ALK: variants seen among roughly 807,000 people sequenced by gnomAD.
ALK encodes the protein ALK tyrosine kinase receptor.
ALK carries 74 observed loss-of-function variants against 163.1 expected under a neutral mutation model. That is an observed-to-expected ratio of 0.45 (90% CI 0.38 to 0.55). ALK has a LOEUF of 0.55. ALK is among the 20% of genes least tolerant of loss of function. The pLI is 0.00. For synonymous variants in ALK, 960 were observed against 843.2 expected (o/e 1.14, Z -2.40); for missense variants, 2,063 against 2,105.3 (o/e 0.98, Z 0.39).
intron 3 of ALK, among the ~76,000 whole-genome samples, chr2:29,647,772 TTTC>T (rs1178199409): frequency 9.9e-6 from 1 of 101,348 alleles, no homozygotes; most frequent in Non-Finnish European, 1.8e-5. Context: ...TTCATGATTT[TTTC>T]TTTTTTTTTT....
chr2:29,652,839 T>C (rs911183045), intron 3 of ALK, among the ~76,000 whole-genome samples: 1 of 152,114 alleles, frequency 6.6e-6, no homozygotes, highest in Non-Finnish European at 1.5e-5. Context: ...CCCTTCCCCA[T>C]ACCTTGCCCT....
chr2:29,352,117 G>A (rs1255711022), intron 5 of ALK, among the ~76,000 whole-genome samples: 4 of 152,142 alleles, frequency 2.6e-5, no homozygotes, highest in Admixed American at 6.5e-5. Context: ...TCTGTGCTCC[G>A]CTTCAAGTTG....
chr2:29,243,025 C>T (rs1056417413), intron 12 of ALK, among the ~76,000 whole-genome samples: 2 of 152,224 alleles, frequency 1.3e-5, no homozygotes, highest in Non-Finnish European at 2.9e-5. Flanking sequence ...TGAAATTCCA[C>T]CATTAGAGCT....
At chr2:29,274,671 G>A (rs1665481905) in intron 11 of ALK, among the ~76,000 whole-genome samples, 1 of 152,216 alleles carries the variant, frequency 6.6e-6, no homozygotes, top group Non-Finnish European at 1.5e-5. Flanking sequence ...GGAAGCTTTG[G>A]GGGCTTTACC....
At chr2:29,857,421 C>T (rs1390085565) in intron 1 of ALK, among the ~76,000 whole-genome samples, 2 of 152,104 alleles carry the variant, frequency 1.3e-5, no homozygotes, top group Non-Finnish European at 2.9e-5. Flanking sequence ...AGGGAAAATA[C>T]AAACCAATGA....
chr2:29,694,191 G>A (rs889466491), intron 3 of ALK, among the ~76,000 whole-genome samples: 1 of 152,162 alleles, frequency 6.6e-6, no homozygotes, highest in Non-Finnish European at 1.5e-5. Flanking sequence ...TTTAACAGTT[G>A]CCCACTACTT....
chr2:29,620,651 T>C (rs891818653), intron 3 of ALK, among the ~76,000 whole-genome samples: 12 of 152,086 alleles, frequency 7.9e-5, no homozygotes, highest in Non-Finnish European at 5.9e-5. Context: ...GGCAGACTTC[T>C]CTTCACCTCC....
At chr2:29,837,167 G>C (rs1665584316) in intron 1 of ALK, among the ~76,000 whole-genome samples, 1 of 152,192 alleles carries the variant, frequency 6.6e-6, no homozygotes, top group Non-Finnish European at 1.5e-5. Flanking sequence ...GAATTATACA[G>C]ATAATTTTCT....
intron 3 of ALK, among the ~76,000 whole-genome samples, chr2:29,686,750 C>G (rs919781214): frequency 5.9e-5 from 9 of 152,164 alleles, no homozygotes; most frequent in African/African-American, 2.2e-4. Context: ...TCCCAACACC[C>G]CAGGAAAGGC....
At chr2:29,335,341 T>A (rs1395180083) in intron 5 of ALK, among the ~76,000 whole-genome samples, 1 of 152,228 alleles carries the variant, frequency 6.6e-6, no homozygotes, top group Admixed American at 6.5e-5. Flanking sequence ...TACCTTTATA[T>A]AGCATTTTAA....
chr2:29,865,145 ATCT>A (rs1423591029), intron 1 of ALK, among the ~76,000 whole-genome samples: 1 of 152,206 alleles, frequency 6.6e-6, no homozygotes, highest in Admixed American at 6.5e-5. Context: ...CATTGCCATG[ATCT>A]TCTTGCCACG....
intron 4 of ALK, among the ~76,000 whole-genome samples, chr2:29,451,855 G>A (rs541524797): frequency 2.0e-5 from 3 of 152,262 alleles, no homozygotes; most frequent in East Asian, 3.9e-4. Flanking sequence ...ACGCAGCCAC[G>A]CTGTCCAGTG....
Position 29,919,152 on chromosome 2 carries a change from T to G in ALK, c.667+841A>C, listed in dbSNP as rs145330702. ...GAGTCTCCAGCAGGGAGATCTGCAG[T>G]GAAACAAGCTGCCAGAGACTATCAT... On this transcript the variant is annotated intron_variant, in intron 1 of 28. Coordinates refer to ENST00000389048, the MANE Select transcript of ALK (RefSeq NM_004304.5). Among the ~76,000 whole-genome samples the G allele has an allele frequency of 5.1e-3, 782 of 152,104 alleles. 7 individuals are homozygous for G. Among genetic ancestry groups the G allele is most frequent in the African/African-American group, 0.018 (736 of 41,484 alleles).
chr2:29,722,391 A>T lies in ALK; in HGVS notation c.668-4694T>A, dbSNP rs116822615. On this transcript the variant is annotated intron_variant, in intron 1 of 28. Coordinates refer to ENST00000389048, the MANE Select transcript of ALK (RefSeq NM_004304.5). Reference sequence around the variant, plus strand: ...CTCACACAAACCTATGCATTCATTCATTCTCTTTAGTTCAAAGAACCGATT... The same window carrying T: ...CTCACACAAACCTATGCATTCATTCTTTCTCTTTAGTTCAAAGAACCGATT... Among the ~76,000 whole-genome samples, 1,237 of 152,288 alleles carry T rather than the reference A, an allele frequency of 8.1e-3. 25 individuals are homozygous for T. The highest frequency in any genetic ancestry group is 0.027 in the African/African-American group (1,114 of 41,546).
chr2:29,196,534 A>G (rs1279704672), intron 28 of ALK, among the ~76,000 whole-genome samples: 1 of 152,214 alleles, frequency 6.6e-6, no homozygotes, highest in Non-Finnish European at 1.5e-5. Context: ...TTGATTCCCC[A>G]GTTTTTACTG....
At chr2:29,698,660 C>T (rs527423629) in intron 2 of ALK, among the ~76,000 whole-genome samples, 1 of 152,256 alleles carries the variant, frequency 6.6e-6, no homozygotes, top group Admixed American at 6.5e-5. Context: ...ATCCCAGCAC[C>T]GAGCATATTA....
At chr2:29,558,542 A>T (rs1216119568) in intron 3 of ALK, among the ~76,000 whole-genome samples, 1 of 151,374 alleles carries the variant, frequency 6.6e-6, no homozygotes. Flanking sequence ...CTTTGCACAC[A>T]CCCCTCCCTA....
intron 13 of ALK, among the ~76,000 whole-genome samples, chr2:29,235,207 A>G (rs554186163): frequency 1.7e-4 from 26 of 152,206 alleles, no homozygotes; most frequent in South Asian, 6.2e-4. Context: ...TTCTTCAAAC[A>G]TCAGCCTGAC....
chr2:29,886,009 TGA>T (rs1666976202), intron 1 of ALK, among the ~76,000 whole-genome samples: 1 of 152,168 alleles, frequency 6.6e-6, no homozygotes, highest in Admixed American at 6.5e-5. Context: ...CTGCCACCTC[TGA>T]GATAGCAAGA....
Sources: allele counts gnomAD v4.1 joint callset (sites outside exome capture counted in the v4.1 genomes callset), GRCh38; gene constraint gnomAD v4.1.1; transcripts MANE v1.5; gene names NCBI Gene and HGNC (gene_info 2026-07-23, HGNC 2026-07-21).